Variants in CAMSAP1 observed in about 807,000 individuals in gnomAD.
CAMSAP1 encodes calmodulin-regulated spectrin-associated protein 1.
CAMSAP1 carries 58 observed loss-of-function variants against 143.5 expected under a neutral mutation model. The ratio of observed to expected loss-of-function variants is 0.40; its 90% CI spans 0.33 to 0.50. CAMSAP1 has a LOEUF of 0.50. CAMSAP1 is among the 20% of genes least tolerant of loss of function. The pLI, the probability that CAMSAP1 is intolerant of heterozygous loss-of-function variation, is 0.45. For missense variants in CAMSAP1, 1,969 were observed against 2,115.7 expected (o/e 0.93, Z 1.36); for synonymous variants, 945 against 859.3 (o/e 1.10, Z -1.74).
In CAMSAP1 at chr9:135,825,000, G is replaced by A. The variant is rs1297642303; in HGVS notation, c.1224-120C>T. The stretch of plus-strand genomic sequence containing the variant: ...CACCAAGTTTTGAGAAACTCGGACT[G>A]TTTGGGAAAAAAATGACAATAAAAA... On this transcript the variant is annotated intron_variant, in intron 8 of 16. Coordinates refer to ENST00000389532, the MANE Select transcript of CAMSAP1 (RefSeq NM_015447.4). The surrounding 1 kb of genome is among the most constrained non-coding windows in gnomAD (Gnocchi z 4.1). 3.3e-5 allele frequency: 26 copies of A among 777,784 alleles called. No individual in the cohort carries two copies. Among genetic ancestry groups the A allele is most frequent in the Non-Finnish European group, 5.1e-5 (25 of 493,576 alleles). The allele number at this position is 777,784 out of a possible 1,614,324, so 48.2% of individuals were successfully genotyped here.
At chr9:135,834,632 G>A (rs1484218455) in intron 7 of CAMSAP1, among the ~76,000 whole-genome samples, 1 of 152,186 alleles carries the variant, frequency 6.6e-6, no homozygotes, top group African/African-American at 2.4e-5. Context: ...GCCAGGGGCT[G>A]GAGGGTGAGG....
chr9:135,868,666 G>GGCGA (rs1218629601), intron 3 of CAMSAP1, among the ~76,000 whole-genome samples: 1 of 127,268 alleles, frequency 7.9e-6, no homozygotes, highest in Non-Finnish European at 1.6e-5. Flanking sequence ...CGCCCAGGCT[G>GGCGA]AAGTGCGGTG....
At position 135,821,061 on chromosome 9, in the gene CAMSAP1, A is replaced by G. The variant is rs1262821922; in HGVS notation, c.3600T>C (p.Val1200=). ...ILSEQMSLKE[V]LDASVKEVGS... ...CCACCTCCTTCACACTCGCATCCAG[A>G]ACTTCTTTGAGGCTCATCTGCTCCG... Residue 1200 remains valine (V), a synonymous_variant, in exon 11 of 17, where the codon GTT becomes GTC. Coordinates refer to ENST00000389532, the MANE Select transcript of CAMSAP1 (RefSeq NM_015447.4). The surrounding 1 kb of genome is among the most constrained non-coding windows in gnomAD (Gnocchi z 4.6). 6.2e-7 allele frequency: 1 copy of G among 1,613,960 alleles called. No homozygotes were observed. Among genetic ancestry groups the G allele is most frequent in the Non-Finnish European group, 8.5e-7 (1 of 1,179,880 alleles).
intron 16 of CAMSAP1, among the ~76,000 whole-genome samples, chr9:135,812,450 C>G (rs556690505): frequency 1.8e-4 from 28 of 151,996 alleles, no homozygotes; most frequent in African/African-American, 6.3e-4. Context: ...ATGTAAATGC[C>G]CAGAACAGGC....
chr9:135,893,832 A>T (rs947320770), intron 1 of CAMSAP1, among the ~76,000 whole-genome samples: 2 of 152,182 alleles, frequency 1.3e-5, no homozygotes, highest in African/African-American at 4.8e-5. Context: ...GCCAGGACAA[A>T]ATGGCACACA....
At chr9:135,847,354 C>T (rs775529954) in intron 7 of CAMSAP1, among the ~76,000 whole-genome samples, 10 of 151,342 alleles carry the variant, frequency 6.6e-5, no homozygotes, top group African/African-American at 1.7e-4. Context: ...GACTCTGTCT[C>T]GAAAAAAATA....
At chr9:135,812,285 C>G (rs1036196924) in intron 16 of CAMSAP1, among the ~76,000 whole-genome samples, 1 of 152,080 alleles carries the variant, frequency 6.6e-6, no homozygotes. Context: ...CAGCAGATGA[C>G]GAGATGAACA....
intron 7 of CAMSAP1, among the ~76,000 whole-genome samples, chr9:135,835,065 C>T (rs573369247): frequency 1.3e-5 from 2 of 152,148 alleles, no homozygotes; most frequent in South Asian, 4.1e-4. Context: ...CTCTGAGGGC[C>T]CTTGTCAAGG....
At chr9:135,880,783 C>T (rs145180641) in intron 3 of CAMSAP1, among the ~76,000 whole-genome samples, 279 of 152,278 alleles carry the variant, frequency 1.8e-3, no homozygotes, top group African/African-American at 4.6e-3. Context: ...TGTGTTAATG[C>T]GCAAACTTAA....
chr9:135,874,465 C>T (rs1035207377), intron 3 of CAMSAP1, among the ~76,000 whole-genome samples: 2 of 117,212 alleles, frequency 1.7e-5, no homozygotes, highest in African/African-American at 6.6e-5. Context: ...AGGGTGAGAC[C>T]CTGTCTCAAA....
rs898676954 is a variant in CAMSAP1, at chr9:135,815,928, G to A, written c.4349C>T (p.Ser1450Leu). 8 of 1,613,658 alleles carry A rather than the reference G, an allele frequency of 5.0e-6. No individual in the cohort carries two copies. In the Admixed American group the frequency reaches 5.0e-5, roughly 10 times the overall value. Reference protein sequence around the residue: ...RSTDRDWETASAASSLASVAE... With the variant: ...RSTDRDWETALAASSLASVAE... Reference sequence around the variant, plus strand: ...CACTGAGGCCAGGGAAGATGCCGCCGACGCGGTCTCCCAGTCTCGGTCTGT... The same window carrying A: ...CACTGAGGCCAGGGAAGATGCCGCCAACGCGGTCTCCCAGTCTCGGTCTGT... Residue 1450 changes from serine to leucine, a missense_variant, in exon 15 of 17, where the codon TCG becomes TTG. Ser to Leu is a moderately radical substitution (Grantham distance 145, BLOSUM62 -2). Coordinates refer to ENST00000389532, the MANE Select transcript of CAMSAP1 (RefSeq NM_015447.4).
chr9:135,895,089 G>T (rs1276109172), intron 1 of CAMSAP1, among the ~76,000 whole-genome samples: 1 of 152,148 alleles, frequency 6.6e-6, no homozygotes, highest in East Asian at 1.9e-4. Flanking sequence ...GAGAAAAGAA[G>T]AACAGAGCCT....
At position 135,850,199 on chromosome 9, in the gene CAMSAP1, C is replaced by G; in HGVS notation, c.983G>C (p.Trp328Ser). ...NVMVFIAELFWWFENVKPDFV... is the reference protein window; with the variant it reads ...NVMVFIAELFSWFENVKPDFV... ...ATCTGGCTTGACATTCTCGAACCAC[C>G]AAAAAAGCTCCGCAATAAAAACCAT... is the stretch of plus-strand genomic sequence containing the variant. The change falls in exon 7 of 17, where the codon TGG (tryptophan) becomes TCG (serine). Residue 328 changes from tryptophan (W) to serine (S), a missense_variant. Physicochemically the swap from Trp to Ser is radical, Grantham distance 177 (BLOSUM62 -3). Coordinates refer to ENST00000389532, the MANE Select transcript of CAMSAP1 (RefSeq NM_015447.4). The G allele has an allele frequency of 6.2e-7, 1 of 1,612,808 alleles. No homozygotes were observed. Among genetic ancestry groups the G allele is most frequent in the Non-Finnish European group, 8.5e-7 (1 of 1,179,446 alleles).
At position 135,823,941 on chromosome 9, in the gene CAMSAP1, C is replaced by T; in HGVS notation, c.1400+9G>A. ...TCCAAACAGAAACACTGCTGAAACA[C>T]AGACTCACCTGGTTTTTTTTTCTGG... On this transcript the variant is annotated intron_variant, in intron 10 of 16. Coordinates refer to ENST00000389532, the MANE Select transcript of CAMSAP1 (RefSeq NM_015447.4). 1 of 1,567,760 alleles carries T rather than the reference C, an allele frequency of 6.4e-7. No homozygotes were observed. The highest frequency in any genetic ancestry group is 1.2e-5 in the South Asian group (1 of 84,888).
rs1414832165 is a variant in CAMSAP1, at chr9:135,824,791, G to A, written c.1313C>T (p.Pro438Leu). ...QQKSIQGEDI[P>L]DQRHRSNSLT... The stretch of plus-strand genomic sequence containing the variant: ...AAAGGAGGAAACAACATTCTTACCA[G>A]GGATGTCCTCTCCCTGTATGGATTT... The change falls in exon 9 of 17, where the codon CCT (proline) becomes CTT (leucine). Residue 438 changes from proline (P) to leucine (L), a missense_variant and splice_region_variant. Around this residue, in one of 4 missense-constraint regions of CAMSAP1, gnomAD observed 1,390 missense variants for 1,420.8 expected, o/e 0.98. Transcript: ENST00000389532. The surrounding 1 kb of genome is among the most constrained non-coding windows in gnomAD (Gnocchi z 4.1). 2.5e-6 allele frequency: 4 copies of A among 1,576,648 alleles called. No individual in the cohort carries two copies. The highest frequency in any genetic ancestry group is 2.3e-5 in the East Asian group (1 of 43,922).
chr9:135,895,134 G>C (rs1838403862), intron 1 of CAMSAP1, among the ~76,000 whole-genome samples: 1 of 152,054 alleles, frequency 6.6e-6, no homozygotes, highest in South Asian at 2.1e-4. Flanking sequence ...AAGATCCAAG[G>C]GTTCTATCAC....
Position 135,818,654 on chromosome 9 carries a change from GGGCTTCTTCCACGAC to G in CAMSAP1, c.3960-53_3960-39del. ...CACGCCCAGACACTGCTCGGTCACG[GGGCTTCTTCCACGAC>G]GCCTGCGCCGCGGCGCTCTGTCCAG... On this transcript the variant is annotated intron_variant, in intron 12 of 16. Coordinates refer to ENST00000389532, the MANE Select transcript of CAMSAP1 (RefSeq NM_015447.4). The surrounding 1 kb of genome is among the most constrained non-coding windows in gnomAD (Gnocchi z 7.7). The G allele has an allele frequency of 6.2e-7, 1 of 1,600,694 alleles. No individual in the cohort carries two copies. Among genetic ancestry groups the G allele is most frequent in the Non-Finnish European group, 8.5e-7 (1 of 1,172,118 alleles).
chr9:135,857,683 A>G (rs1022818089), intron 5 of CAMSAP1, among the ~76,000 whole-genome samples: 3 of 152,144 alleles, frequency 2.0e-5, no homozygotes, highest in African/African-American at 7.2e-5. Flanking sequence ...CCTAGTAAAG[A>G]GTGAGTCACT....
intron 5 of CAMSAP1, among the ~76,000 whole-genome samples, chr9:135,860,457 G>A (rs1837142670): frequency 6.6e-6 from 1 of 151,944 alleles, no homozygotes; most frequent in Non-Finnish European, 1.5e-5. Flanking sequence ...AATTAGCTGG[G>A]TGTGGTGGTG....
Sources: gnomAD v4.1 joint callset for allele counts (sites outside exome capture counted in the v4.1 genomes callset) on GRCh38, gnomAD v4.1.1 for gene constraint, gnomAD v4.1.1 regional missense constraint, Gnocchi (gnomAD v3.1) non-coding constraint, MANE v1.5 for transcripts, NCBI Gene and HGNC (gene_info 2026-07-23, HGNC 2026-07-21) for gene names.